GNG12: variants seen among roughly 807,000 people sequenced by gnomAD.
GNG12 encodes guanine nucleotide-binding protein G(I)/G(S)/G(O) subunit gamma-12.
For synonymous variants in GNG12, 28 were observed against 29.7 expected, an observed-to-expected ratio of 0.94 and a Z score of 0.19; for missense variants, 69 against 83.8, an observed-to-expected ratio of 0.82 and a Z score of 0.69.
chr1:67,807,123 AT>A (rs1347199812), intron 1 of GNG12, among the ~76,000 whole-genome samples: 3 of 152,234 alleles, frequency 2.0e-5, no homozygotes, highest in Non-Finnish European at 4.4e-5. Context: ...CTAGAATTCA[AT>A]AACAGAAAGA....
Position 67,824,237 on chromosome 1 carries a change from C to T in GNG12, c.-77+9107G>A, listed in dbSNP as rs554172272. ...TTTAAAGAAATCCTGGGGCTGGGCA[C>T]GGTGGATCAGGCCTGTAATCCTAGC... On this transcript the variant is annotated intron_variant, in intron 1 of 3. Transcript: ENST00000370982. Among the ~76,000 whole-genome samples the T allele has an allele frequency of 1.6e-3, 242 of 152,106 alleles. 1 individual carries two copies. Among genetic ancestry groups the T allele is most frequent in the South Asian group, 6.7e-3 (32 of 4,808 alleles).
At chr1:67,761,568 C>A (rs552925229) in intron 2 of GNG12, among the ~76,000 whole-genome samples, 3 of 152,146 alleles carry the variant, frequency 2.0e-5, no homozygotes, top group South Asian at 4.1e-4. Flanking sequence ...AACAACATTG[C>A]TTTGGGGTAA....
At chr1:67,771,608 ATGGGTCC>A (rs1293932167) in intron 2 of GNG12, among the ~76,000 whole-genome samples, 1 of 152,162 alleles carries the variant, frequency 6.6e-6, no homozygotes, top group Non-Finnish European at 1.5e-5. Flanking sequence ...GCATGATCTT[ATGGGTCC>A]TGTACAACAC....
chr1:67,717,477 T>C lies in GNG12; in HGVS notation c.-26-9765A>G, dbSNP rs150006508. Among the ~76,000 whole-genome samples, 419 of 151,422 alleles carry C rather than the reference T, an allele frequency of 2.8e-3. 1 individual carries two copies. The highest frequency in any genetic ancestry group is 9.7e-3 in the African/African-American group (400 of 41,208). On this transcript the variant is annotated intron_variant, in intron 2 of 3. Coordinates refer to ENST00000370982, the MANE Select transcript of GNG12 (RefSeq NM_018841.6). Reference sequence around the variant, plus strand: ...GTTGCAGTGACCCAAGATTGCACCATTGCACTCCAGCCTGGGCGACAAAGT... The same window carrying C: ...GTTGCAGTGACCCAAGATTGCACCACTGCACTCCAGCCTGGGCGACAAAGT...
intron 1 of GNG12, among the ~76,000 whole-genome samples, chr1:67,811,972 A>C (rs1646928902): frequency 6.6e-6 from 1 of 152,190 alleles, no homozygotes; most frequent in Non-Finnish European, 1.5e-5. Context: ...ACAATAAGTA[A>C]AGGAGCCAAA....
intron 1 of GNG12, among the ~76,000 whole-genome samples, chr1:67,800,544 A>G (rs1368415026): frequency 6.6e-6 from 1 of 152,192 alleles, no homozygotes; most frequent in Non-Finnish European, 1.5e-5. Flanking sequence ...TCACACAAGC[A>G]TTTTTCCTTG....
Position 67,816,752 on chromosome 1 carries a change from T to C in GNG12, c.-77+16592A>G, listed in dbSNP as rs149428182. Among the ~76,000 whole-genome samples, 8 of 152,304 alleles carry C rather than the reference T, an allele frequency of 5.3e-5. No individual in the cohort carries two copies. In the South Asian group the frequency reaches 8.3e-4, roughly 16 times the overall value. ...GGTAGGGCCCGGTGACAAGACGTCCTGAGCCTGGCCAGCACCCGACAACTC... is the reference window on the plus strand; with the variant it reads ...GGTAGGGCCCGGTGACAAGACGTCCCGAGCCTGGCCAGCACCCGACAACTC... On this transcript the variant is annotated intron_variant, in intron 1 of 3. Transcript: ENST00000370982.
intron 1 of GNG12, among the ~76,000 whole-genome samples, chr1:67,819,054 C>T (rs997599860): frequency 2.6e-5 from 4 of 152,082 alleles, no homozygotes; most frequent in South Asian, 2.1e-4. Flanking sequence ...ATGCTGGTGG[C>T]AGTGTGCAGG....
chr1:67,742,749 T>C (rs1253913776), intron 2 of GNG12, among the ~76,000 whole-genome samples: 2 of 152,342 alleles, frequency 1.3e-5, no homozygotes, highest in South Asian at 2.1e-4. Context: ...CTACATCAAA[T>C]AATGCAATTT....
intron 1 of GNG12, among the ~76,000 whole-genome samples, chr1:67,794,892 C>T (rs1646821147): frequency 6.6e-6 from 1 of 152,232 alleles, no homozygotes; most frequent in African/African-American, 2.4e-5. Context: ...CATCCACCCA[C>T]CTACCTGCCA....
rs964574214 is a variant in GNG12 at position 67,703,717 on chromosome 1, G to C, written c.*1734C>G. ...GATTTTCACATGGCCTTAGAAAAGCGAGGGGCATTCATAAGGCTGAGTAGA... is the reference window on the plus strand; with the variant it reads ...GATTTTCACATGGCCTTAGAAAAGCCAGGGGCATTCATAAGGCTGAGTAGA... On this transcript the variant is annotated 3_prime_UTR_variant, in exon 4 of 4. Transcript: ENST00000370982. 2.0e-5 allele frequency: 3 copies of C among 152,192 alleles called. No individual in the cohort carries two copies. Among genetic ancestry groups the C allele is most frequent in the South Asian group, 4.1e-4 (2 of 4,830 alleles). The allele number at this position is 152,192 out of a possible 1,614,324, so 9.4% of individuals were successfully genotyped here.
At chr1:67,734,375 T>G (rs939701385) in intron 2 of GNG12, among the ~76,000 whole-genome samples, 2 of 152,192 alleles carry the variant, frequency 1.3e-5, no homozygotes, top group African/African-American at 4.8e-5. Flanking sequence ...GGTAAATGTT[T>G]TGACTCCTTC....
intron 2 of GNG12, among the ~76,000 whole-genome samples, chr1:67,728,054 C>T (rs931153701): frequency 2.6e-5 from 4 of 152,176 alleles, no homozygotes; most frequent in African/African-American, 9.7e-5. Flanking sequence ...CATTTAATGA[C>T]ATTTTCTTAG....
intron 2 of GNG12, among the ~76,000 whole-genome samples, chr1:67,766,277 G>C (rs1013334066): frequency 1.3e-5 from 2 of 152,036 alleles, no homozygotes; most frequent in African/African-American, 4.8e-5. Context: ...CAATTCTCTG[G>C]TCCTCCTCTA....
intron 1 of GNG12, among the ~76,000 whole-genome samples, chr1:67,808,016 TAA>T (rs753218703): frequency 1.3e-5 from 2 of 151,974 alleles, no homozygotes; most frequent in African/African-American, 2.4e-5. Context: ...CGAGAAAACT[TAA>T]GAGTATCTCT....
chr1:67,779,676 C>A (rs192245542), intron 1 of GNG12, among the ~76,000 whole-genome samples: 2 of 152,170 alleles, frequency 1.3e-5, no homozygotes, highest in Non-Finnish European at 2.9e-5. Flanking sequence ...TCTGCAGTAG[C>A]GCCAATAAGG....
At chr1:67,781,391 T>TA (rs1195846876) in intron 1 of GNG12, among the ~76,000 whole-genome samples, 1 of 152,176 alleles carries the variant, frequency 6.6e-6, no homozygotes, top group Non-Finnish European at 1.5e-5. Context: ...ATACTGAATG[T>TA]AAATCATGTG....
chr1:67,789,687 G>T (rs1646790061), intron 1 of GNG12, among the ~76,000 whole-genome samples: 2 of 152,330 alleles, frequency 1.3e-5, no homozygotes, highest in Non-Finnish European at 2.9e-5. Flanking sequence ...GCACAATCGG[G>T]CAGGATGCAG....
chr1:67,718,979 C>T (rs2100685737), intron 2 of GNG12, among the ~76,000 whole-genome samples: 1 of 152,322 alleles, frequency 6.6e-6, no homozygotes, highest in East Asian at 1.9e-4. Context: ...GCTCTATTTT[C>T]ATGCCCATTT....
Sources: allele counts gnomAD v4.1 joint callset (sites outside exome capture counted in the v4.1 genomes callset), GRCh38; gene constraint gnomAD v4.1.1; transcripts MANE v1.5; gene names NCBI Gene and HGNC (gene_info 2026-07-23, HGNC 2026-07-21).